PTCHD1: variants seen among roughly 807,000 people sequenced by gnomAD.
PTCHD1 encodes the protein patched domain-containing protein 1.
A neutral mutation model predicts 34.6 loss-of-function variants in PTCHD1; 3 were observed. That is an observed-to-expected ratio of 0.09 (90% CI 0.04 to 0.22). The LOEUF (loss-of-function observed/expected upper bound fraction) is 0.22, where lower values mean the gene tolerates loss of function less well. Among genes scored for constraint, PTCHD1 ranks in the 10% least tolerant of loss-of-function variants. PTCHD1 has a pLI of 1.00. For synonymous variants in PTCHD1, 305 were observed against 283.1 expected (o/e 1.08, Z -0.77); for missense variants, 504 against 685.5 (o/e 0.74, Z 2.96).
At chrX:23,376,969 C>T (rs951908091) in intron 1 of PTCHD1, among the ~76,000 whole-genome samples, 2 of 111,926 alleles carry the variant, frequency 1.8e-5, no homozygotes, top group Non-Finnish European at 3.8e-5. Flanking sequence ...TCTTGTAGTA[C>T]GCGGGTTAAC....
intron 1 of PTCHD1, among the ~76,000 whole-genome samples, chrX:23,369,132 C>T (rs1036103130): frequency 8.9e-6 from 1 of 112,176 alleles, no homozygotes; most frequent in African/African-American, 3.2e-5. Flanking sequence ...AAAGTCTTCT[C>T]CCTTTTCACA....
rs187950568 is a variant in PTCHD1, at chrX:23,379,443, G to A, written c.352-148G>A. 311 of 570,150 alleles carry A rather than the reference G, an allele frequency of 5.5e-4. No individual in the cohort carries two copies. In the African/African-American group the frequency reaches 6.4e-3, roughly 12 times the overall value. The allele number at this position is 570,150 out of a possible 1,213,427, so 47.0% of individuals were successfully genotyped here. ...ATTGCGAGAACCACTGGTCAAATGT[G>A]TGTTTCACATTCCTACTACCTATTT... On this transcript the variant is annotated intron_variant, in intron 1 of 2. Transcript: ENST00000379361.
intron 1 of PTCHD1, among the ~76,000 whole-genome samples, chrX:23,362,897 G>C (rs1249462394): frequency 8.9e-6 from 1 of 112,467 alleles, no homozygotes. Flanking sequence ...CTCAGCTGCA[G>C]GTCTGTTGGA....
rs1922972189 is a variant in PTCHD1, at chrX:23,395,716, C to G, written c.*1531C>G. 8.9e-6 allele frequency: 1 copy of G among 112,001 alleles called. No individual in the cohort carries two copies. 9.2% of individuals were successfully genotyped at this position (112,001 alleles called of 1,213,427 possible). On this transcript the variant is annotated 3_prime_UTR_variant, in exon 3 of 3. Coordinates refer to ENST00000379361, the MANE Select transcript of PTCHD1 (RefSeq NM_173495.3). ...TAAATTTATAAAAATGAAGCTAAAA[C>G]CTGGTTACATTTGAAGCAAATATCT...
chrX:23,398,307 T>C lies in PTCHD1; in HGVS notation c.*4122T>C, dbSNP rs1030092097. The C allele has an allele frequency of 2.7e-5, 3 of 111,946 alleles. No homozygotes were observed. Among genetic ancestry groups the C allele is most frequent in the Non-Finnish European group, 5.6e-5 (3 of 53,213 alleles). The allele number at this position is 111,946 out of a possible 1,213,427, so 9.2% of individuals were successfully genotyped here. ...TGAGCCTGAGAATTAGGGCTACAAA[T>C]ACAATGAGTTGCCACAGAAGGTAGT... On this transcript the variant is annotated 3_prime_UTR_variant, in exon 3 of 3. Transcript: ENST00000379361.
At chrX:23,366,330 G>T (rs936991458) in intron 1 of PTCHD1, among the ~76,000 whole-genome samples, 1 of 112,083 alleles carries the variant, frequency 8.9e-6, no homozygotes, top group African/African-American at 3.3e-5. Context: ...TAAAATCTTT[G>T]ACTGGCTCGC....
At position 23,395,679 on chromosome X, in the gene PTCHD1, C is replaced by T. The variant is rs949629592; in HGVS notation, c.*1494C>T. On this transcript the variant is annotated 3_prime_UTR_variant, in exon 3 of 3. Transcript: ENST00000379361. ...AAAGGCTGTATACGTTGCCCAGGCCCCTGCATTTCTTTAAATTTATAAAAA... is the reference window on the plus strand; with the variant it reads ...AAAGGCTGTATACGTTGCCCAGGCCTCTGCATTTCTTTAAATTTATAAAAA... 8.9e-6 allele frequency: 1 copy of T among 111,795 alleles called. No homozygotes were observed. Among genetic ancestry groups the T allele is most frequent in the African/African-American group, 3.3e-5 (1 of 30,675 alleles). 9.2% of individuals were successfully genotyped at this position (111,795 alleles called of 1,213,427 possible).
intron 1 of PTCHD1, among the ~76,000 whole-genome samples, chrX:23,361,166 T>A (rs1921971832): frequency 1.8e-5 from 2 of 111,735 alleles, no homozygotes; most frequent in South Asian, 7.6e-4. Flanking sequence ...CTGTTAGGTC[T>A]GCTTGGTGCA....
intron 1 of PTCHD1, among the ~76,000 whole-genome samples, chrX:23,370,341 G>A (rs1195917641): frequency 8.9e-6 from 1 of 111,790 alleles, no homozygotes; most frequent in Non-Finnish European, 1.9e-5. Context: ...TCCCAGAAGG[G>A]TCGAGGCCTT....
intron 2 of PTCHD1, among the ~76,000 whole-genome samples, 188 bp from the exon 3 acceptor site, chrX:23,392,343 T>C (rs1355559040): frequency 9.0e-6 from 1 of 110,995 alleles, no homozygotes; most frequent in Non-Finnish European, 1.9e-5. Context: ...CGTTATCCAT[T>C]AACATTTACG....
In PTCHD1 at chrX:23,393,285, G is replaced by A. The variant is rs139310513; in HGVS notation, c.1767G>A (p.Glu589=). ...TKGFVRISWF[E]SYLNYLRKLN... is the part of the protein sequence containing the mutation. ...GGTTTGTGCGGATATCCTGGTTTGA[G>A]AGCTATTTAAATTACCTTCGGAAAC... The change falls in exon 3 of 3, where the codon GAG becomes GAA. Residue 589 remains glutamate, a synonymous_variant. Coordinates refer to ENST00000379361, the MANE Select transcript of PTCHD1 (RefSeq NM_173495.3). The A allele has an allele frequency of 2.5e-5, 30 of 1,210,163 alleles. No individual in the cohort carries two copies. The African/African-American group carries it at 3.7e-4, about 15-fold the overall frequency.
intron 1 of PTCHD1, among the ~76,000 whole-genome samples, chrX:23,356,011 T>C: frequency 8.9e-6 from 1 of 112,239 alleles, no homozygotes; most frequent in East Asian, 2.8e-4. Context: ...CATGTTCTGT[T>C]TCCTCTTGTT....
chrX:23,345,126 A>G (rs11094909), intron 1 of PTCHD1, among the ~76,000 whole-genome samples: 19,120 of 111,073 alleles, frequency 0.17, 1,520 homozygotes, highest in South Asian at 0.35. Flanking sequence ...TTCCCCACCT[A>G]CCCCTTTAGA....
At chrX:23,354,587 T>C (rs1341970970) in intron 1 of PTCHD1, among the ~76,000 whole-genome samples, 1 of 104,587 alleles carries the variant, frequency 9.6e-6, no homozygotes, top group African/African-American at 3.5e-5. Context: ...TTTTTTTTTT[T>C]TTTGAGACGG....
intron 1 of PTCHD1, 121 bp from the exon 2 acceptor site, chrX:23,379,470 T>G (rs938697878): frequency 2.7e-6 from 2 of 736,875 alleles, no homozygotes; most frequent in African/African-American, 4.3e-5. Flanking sequence ...TACCTATTTC[T>G]GATCTAGGTT....
chrX:23,342,489 G>A (rs60180693), intron 1 of PTCHD1, among the ~76,000 whole-genome samples: 6,073 of 105,879 alleles, frequency 0.057, 431 homozygotes, highest in African/African-American at 0.19. Context: ...TTAGTGCCCC[G>A]TTTCTAGGGA....
chrX:23,380,290 G>A (rs375443898), intron 2 of PTCHD1, 39 bp downstream of exon 2: 2 of 1,156,011 alleles, frequency 1.7e-6, no homozygotes, highest in Non-Finnish European at 1.2e-6. Context: ...CCGCCTGCTG[G>A]TGGTGTTGAC....
In PTCHD1 at chrX:23,343,299, A is replaced by G. The variant is rs1351373655; in HGVS notation, c.351+8073A>G. Among the ~76,000 whole-genome samples the G allele has an allele frequency of 2.7e-5, 3 of 112,008 alleles. No homozygotes were observed. The Admixed American group carries it at 2.8e-4, about 11-fold the overall frequency. On this transcript the variant is annotated intron_variant, in intron 1 of 2. Coordinates refer to ENST00000379361, the MANE Select transcript of PTCHD1 (RefSeq NM_173495.3). ...AGGAGAAATTCTTGGAAAACCAAAT[A>G]TCTGACAACCTTCTCTGGTCCAAGT...
chrX:23,351,165 T>A (rs1263572626), intron 1 of PTCHD1: 8 of 637,063 alleles, frequency 1.3e-5, no homozygotes, highest in Non-Finnish European at 2.0e-5. Flanking sequence ...CCATGAATAC[T>A]GTCCAAACTC....
Sources: allele counts gnomAD v4.1 joint callset (sites outside exome capture counted in the v4.1 genomes callset), GRCh38; gene constraint gnomAD v4.1.1; transcripts MANE v1.5; gene names NCBI Gene and HGNC (gene_info 2026-07-23, HGNC 2026-07-21).